EPHA6: variants seen among roughly 807,000 people sequenced by gnomAD.
EPHA6 encodes the protein EPH receptor A6, also known as ephrin type-A receptor 6.
A neutral mutation model predicts 112.0 loss-of-function variants in EPHA6; 50 were observed. The ratio of observed to expected loss-of-function variants is 0.45; its 90% CI spans 0.36 to 0.56. EPHA6 has a LOEUF of 0.56. Ranked by LOEUF, EPHA6 falls within the 20% of genes least tolerant of loss-of-function variation. The pLI is 0.00. For synonymous variants in EPHA6, 529 were observed against 490.7 expected (o/e 1.08, Z -1.03); for missense variants, 1,280 against 1,417.4 (o/e 0.90, Z 1.56).
intron 3 of EPHA6, among the ~76,000 whole-genome samples, chr3:97,108,494 A>G (rs2047632123): frequency 6.6e-6 from 1 of 152,190 alleles, no homozygotes; most frequent in Non-Finnish European, 1.5e-5. Flanking sequence ...GGCATTGCCA[A>G]GGAAAGTACA....
At chr3:97,133,935 A>G (rs892939924) in intron 3 of EPHA6, among the ~76,000 whole-genome samples, 1 of 152,072 alleles carries the variant, frequency 6.6e-6, no homozygotes, top group South Asian at 2.1e-4. Context: ...TGATATGAGT[A>G]TGATATATAA....
chr3:97,051,384 G>A (rs1393891559), intron 3 of EPHA6, among the ~76,000 whole-genome samples: 1 of 152,044 alleles, frequency 6.6e-6, no homozygotes, highest in Non-Finnish European at 1.5e-5. Flanking sequence ...CTTAAGACTT[G>A]ACCCCTGCTG....
chr3:96,864,807 C>A (rs1345863068), intron 1 of EPHA6, among the ~76,000 whole-genome samples: 1 of 151,982 alleles, frequency 6.6e-6, no homozygotes, highest in Admixed American at 6.6e-5. Flanking sequence ...ATCTCGGCTT[C>A]TTTTCAAATG....
chr3:97,127,714 CAAAAA>C (rs1343245083), intron 3 of EPHA6, among the ~76,000 whole-genome samples: 4 of 93,858 alleles, frequency 4.3e-5, no homozygotes, highest in African/African-American at 3.7e-5. Flanking sequence ...GACCCTGTCT[CAAAAA>C]AAAAAAAAAA....
intron 5 of EPHA6, among the ~76,000 whole-genome samples, chr3:97,300,013 A>C (rs571838183): frequency 3.9e-5 from 6 of 152,300 alleles, no homozygotes; most frequent in South Asian, 2.1e-4. Flanking sequence ...CCACATATGA[A>C]ACATTTTATA....
chr3:97,398,354 A>T (rs1399063652), intron 5 of EPHA6, among the ~76,000 whole-genome samples: 1 of 151,516 alleles, frequency 6.6e-6, no homozygotes, highest in African/African-American at 2.4e-5. Flanking sequence ...TTAAAGTTAT[A>T]ATTTATCCAT....
chr3:97,629,373 G>A (rs1345063131), intron 13 of EPHA6, among the ~76,000 whole-genome samples: 1 of 151,952 alleles, frequency 6.6e-6, no homozygotes, highest in East Asian at 1.9e-4. Context: ...TAAAAATAAT[G>A]TGACATCAGA....
At chr3:97,643,119 A>G (rs945015978) in intron 14 of EPHA6, among the ~76,000 whole-genome samples, 1 of 152,166 alleles carries the variant, frequency 6.6e-6, no homozygotes, top group Admixed American at 6.5e-5. Context: ...AAGCCAGAAG[A>G]GAGTGGGGGC....
In EPHA6 at chr3:97,010,114, C is replaced by A. The variant is rs144411107; in HGVS notation, c.1114+22121C>A. On this transcript the variant is annotated intron_variant, in intron 3 of 17. Coordinates refer to ENST00000389672, the MANE Select transcript of EPHA6 (RefSeq NM_001080448.3). ...AGAGTAGCATTACTAAAATATTAAA[C>A]GGTTACATTTACAGCCAAAATTTGT... is the stretch of plus-strand genomic sequence containing the variant. The A allele has an allele frequency of 2.6e-5, 33 of 1,259,144 alleles. No individual in the cohort carries two copies. The Admixed American group carries it at 8.3e-4, about 32-fold the overall frequency. 78.0% of individuals were successfully genotyped at this position (1,259,144 alleles called of 1,614,324 possible).
chr3:96,933,419 T>G (rs1448869477), intron 2 of EPHA6, among the ~76,000 whole-genome samples: 1 of 151,924 alleles, frequency 6.6e-6, no homozygotes, highest in Non-Finnish European at 1.5e-5. Context: ...CTAAATATGT[T>G]TATAAAAACT....
chr3:97,526,237 C>T (rs535883983), intron 10 of EPHA6, among the ~76,000 whole-genome samples: 3 of 152,292 alleles, frequency 2.0e-5, no homozygotes, highest in South Asian at 4.1e-4. Context: ...TGTGCCCAAG[C>T]AGGCCAAGCT....
intron 2 of EPHA6, among the ~76,000 whole-genome samples, chr3:96,868,578 G>A (rs1017765997): frequency 2.6e-5 from 4 of 151,896 alleles, no homozygotes; most frequent in Admixed American, 2.6e-4. Context: ...GTTTCACTGA[G>A]GCATGCTCAT....
Position 97,501,586 on chromosome 3 carries a change from AT to A in EPHA6, c.2200+17528del, listed in dbSNP as rs1384760687. On this transcript the variant is annotated intron_variant, in intron 10 of 17. Coordinates refer to ENST00000389672, the MANE Select transcript of EPHA6 (RefSeq NM_001080448.3). Reference sequence around the variant, plus strand: ...CAAAGTAATTAAATAACTCACTTAAATAACTCATGGGTTATTTTAATATAAT... The same window carrying A: ...CAAAGTAATTAAATAACTCACTTAAAAACTCATGGGTTATTTTAATATAAT... 6.6e-5 allele frequency among the ~76,000 whole-genome samples: 10 copies of A among 152,148 alleles called. No individual in the cohort carries two copies. In the South Asian group the frequency reaches 1.9e-3, roughly 28 times the overall value.
chr3:96,969,805 C>A (rs2042249323), intron 2 of EPHA6, among the ~76,000 whole-genome samples: 1 of 151,900 alleles, frequency 6.6e-6, no homozygotes, highest in African/African-American at 2.4e-5. Context: ...CTTAGTGGAT[C>A]TTTCAGCATC....
At chr3:97,342,459 C>G (rs182646962) in intron 5 of EPHA6, among the ~76,000 whole-genome samples, 10 of 152,296 alleles carry the variant, frequency 6.6e-5, no homozygotes, top group African/African-American at 2.4e-4. Flanking sequence ...TGCCTGTATA[C>G]TTTTCCCTTT....
At chr3:97,266,282 T>C (rs1576803312) in intron 5 of EPHA6, among the ~76,000 whole-genome samples, 1 of 152,178 alleles carries the variant, frequency 6.6e-6, no homozygotes, top group Non-Finnish European at 1.5e-5. Context: ...TAAAGAAATT[T>C]TAATATAACC....
intron 3 of EPHA6, among the ~76,000 whole-genome samples, chr3:97,119,464 A>T (rs1299465870): frequency 6.6e-6 from 1 of 151,944 alleles, no homozygotes; most frequent in Non-Finnish European, 1.5e-5. Context: ...CTCCATGAAG[A>T]CCAGAAGCAA....
intron 1 of EPHA6, among the ~76,000 whole-genome samples, chr3:96,856,176 G>A (rs1298842287): frequency 6.6e-6 from 1 of 151,986 alleles, no homozygotes; most frequent in Admixed American, 6.6e-5. Flanking sequence ...GGAGGTGGAG[G>A]TTGCAGTGAG....
intron 5 of EPHA6, among the ~76,000 whole-genome samples, chr3:97,269,815 T>C (rs910596360): frequency 6.6e-6 from 1 of 152,224 alleles, no homozygotes; most frequent in African/African-American, 2.4e-5. Flanking sequence ...ATCATTGTAT[T>C]CTTCATATCC....
Sources: gnomAD v4.1 joint callset for allele counts (sites outside exome capture counted in the v4.1 genomes callset) on GRCh38, gnomAD v4.1.1 for gene constraint, MANE v1.5 for transcripts, NCBI Gene and HGNC (gene_info 2026-07-23, HGNC 2026-07-21) for gene names.